The following NRG1 variants were observed in gnomAD, a reference collection of about 807,000 sequenced individuals.
NRG1 encodes pro-neuregulin-1, membrane-bound isoform.
In NRG1, 18 loss-of-function variants were observed where a neutral mutation model predicts 63.8. That is an observed-to-expected ratio of 0.28 (90% CI 0.19 to 0.42). NRG1 has a LOEUF of 0.42. NRG1 is among the 10% of genes least tolerant of loss of function. NRG1 has a pLI of 1.00. For missense variants in NRG1, 762 were observed against 814.7 expected (o/e 0.94, Z 0.79); for synonymous variants, 302 against 301.3 (o/e 1.00, Z -0.02).
At chr8:32,251,726 T>C (rs1295403063) in intron 1 of NRG1, among the ~76,000 whole-genome samples, 1 of 152,176 alleles carries the variant, frequency 6.6e-6, no homozygotes, top group East Asian at 1.9e-4. Flanking sequence ...TGTTTCCTGA[T>C]GTTTTAATGA....
chr8:32,692,712 G>T (rs1165483543), intron 5 of NRG1, among the ~76,000 whole-genome samples: 1 of 152,154 alleles, frequency 6.6e-6, no homozygotes, highest in Non-Finnish European at 1.5e-5. Context: ...ACCTGGAAGG[G>T]ACAGAATAGT....
In NRG1 at chr8:32,098,219, G is replaced by A. The variant is rs112648269; in HGVS notation, c.37+458788G>A. On this transcript the variant is annotated intron_variant, in intron 1 of 10. Transcript: ENST00000519301. ...GAAAGAAGAACTTCCATTGCATTTGGCAATGGAGGTCACATTTGTGATCTG... is the reference window on the plus strand; with the variant it reads ...GAAAGAAGAACTTCCATTGCATTTGACAATGGAGGTCACATTTGTGATCTG... Among the ~76,000 whole-genome samples the A allele has an allele frequency of 1.1e-3, 162 of 152,290 alleles. 2 individuals are homozygous for A. Among genetic ancestry groups the A allele is most frequent in the African/African-American group, 3.6e-3 (150 of 41,574 alleles).
At chr8:32,484,575 G>T (rs1449950570) in intron 1 of NRG1, among the ~76,000 whole-genome samples, 1 of 152,056 alleles carries the variant, frequency 6.6e-6, no homozygotes, top group Admixed American at 6.6e-5. Flanking sequence ...TCTATCTGGA[G>T]TCATTTGTAC....
chr8:32,308,226 G>T (rs375215117), intron 1 of NRG1, among the ~76,000 whole-genome samples: 4 of 151,980 alleles, frequency 2.6e-5, no homozygotes, highest in South Asian at 2.1e-4. Context: ...AGAATCCTTC[G>T]CTTTCCAAGA....
intron 1 of NRG1, among the ~76,000 whole-genome samples, chr8:31,997,462 A>G (rs1812198866): frequency 6.6e-6 from 1 of 152,018 alleles, no homozygotes; most frequent in African/African-American, 2.4e-5. Flanking sequence ...ATAACGCTTC[A>G]CATTTTATAA....
At chr8:32,388,665 TTC>T (rs200975318) in intron 1 of NRG1, among the ~76,000 whole-genome samples, 2 of 151,248 alleles carry the variant, frequency 1.3e-5, no homozygotes, top group Admixed American at 6.6e-5. Context: ...GTTTTTTTTT[TTC>T]GTCTCAAAAA....
chr8:32,314,762 G>A (rs1457190139), intron 1 of NRG1, among the ~76,000 whole-genome samples: 1 of 152,192 alleles, frequency 6.6e-6, no homozygotes, highest in African/African-American at 2.4e-5. Context: ...GAAGCCCCCA[G>A]ATGGGTCCCT....
In NRG1 at chr8:31,724,211, A is replaced by G. The variant is rs542332425; in HGVS notation, c.37+84780A>G. 3.2e-4 allele frequency among the ~76,000 whole-genome samples: 49 copies of G among 152,280 alleles called. 1 individual carries two copies. The highest frequency in any genetic ancestry group is 1.0e-3 in the African/African-American group (43 of 41,570). On this transcript the variant is annotated intron_variant, in intron 1 of 10. Coordinates refer to the NRG1 transcript ENST00000519301. ...AAAATGTAGAGAGAAAACCTAGAGA[A>G]GACATGAAACTCTCTCCTTGACTAA... is the stretch of plus-strand genomic sequence containing the variant.
chr8:31,695,217 T>C (rs1273369605), intron 1 of NRG1, among the ~76,000 whole-genome samples: 1 of 152,200 alleles, frequency 6.6e-6, no homozygotes, highest in Non-Finnish European at 1.5e-5. Flanking sequence ...TCACCCAGGC[T>C]GGAGTGCAGT....
chr8:32,063,339 A>G (rs1014468094), intron 1 of NRG1: 1 of 152,158 alleles, frequency 6.6e-6, no homozygotes, highest in African/African-American at 2.4e-5. Context: ...TACTTAGCGA[A>G]AGAAAAATAC....
intron 1 of NRG1, among the ~76,000 whole-genome samples, chr8:32,196,912 G>C (rs1843001059): frequency 9.0e-6 from 1 of 111,474 alleles, no homozygotes; most frequent in South Asian, 3.2e-4. Context: ...TTCTAAAGCT[G>C]GTTTTCTACC....
At chr8:32,653,735 C>T (rs1403403722) in intron 5 of NRG1, among the ~76,000 whole-genome samples, 1 of 152,160 alleles carries the variant, frequency 6.6e-6, no homozygotes, top group East Asian at 1.9e-4. Context: ...TTTTGGCTTG[C>T]ATAACATCAA....
chr8:32,503,235 C>T (rs147940932), intron 1 of NRG1, among the ~76,000 whole-genome samples: 17,241 of 134,206 alleles, frequency 0.13, 1,268 homozygotes, highest in Admixed American at 0.3. Context: ...TGCAGTAAGC[C>T]GAGATGGTGC....
intron 1 of NRG1, among the ~76,000 whole-genome samples, chr8:31,751,328 C>A (rs1027338388): frequency 1.3e-5 from 2 of 151,810 alleles, no homozygotes; most frequent in Admixed American, 6.6e-5. Context: ...AATAAATGGC[C>A]CTTGGGCTAG....
At chr8:32,226,667 C>T (rs1846360129) in intron 1 of NRG1, among the ~76,000 whole-genome samples, 1 of 152,142 alleles carries the variant, frequency 6.6e-6, no homozygotes, top group Non-Finnish European at 1.5e-5. Context: ...TGGCCCATGG[C>T]TCTTTTCCTG....
At chr8:32,272,484 C>G (rs1021028245) in intron 1 of NRG1, among the ~76,000 whole-genome samples, 1 of 152,160 alleles carries the variant, frequency 6.6e-6, no homozygotes, top group African/African-American at 2.4e-5. Flanking sequence ...ATAATTCTAG[C>G]TGGTAACATC....
At chr8:32,586,152 A>C (rs1258670411) in intron 1 of NRG1, among the ~76,000 whole-genome samples, 1 of 42,020 alleles carries the variant, frequency 2.4e-5, no homozygotes, top group Admixed American at 4.2e-4. Context: ...TTTATTGTTG[A>C]AAGTACTATA....
At chr8:31,871,767 A>T (rs1269308935) in intron 1 of NRG1, among the ~76,000 whole-genome samples, 2 of 152,168 alleles carry the variant, frequency 1.3e-5, no homozygotes, top group Admixed American at 6.5e-5. Context: ...AAAAATACCT[A>T]AAAAATTGAA....
At chr8:31,920,884 GTAGATAGATAGATAGATAGATAGA>G (rs10532094) in intron 1 of NRG1, among the ~76,000 whole-genome samples, 1 of 147,102 alleles carries the variant, frequency 6.8e-6, no homozygotes, top group South Asian at 2.2e-4. Context: ...AGATAGATAG[GTAGATAGATAGATAGATAGATAGA>G]TAGATAGATA....
Sources: allele counts gnomAD v4.1 joint callset (sites outside exome capture counted in the v4.1 genomes callset), GRCh38; gene constraint gnomAD v4.1.1; transcripts MANE v1.5; gene names NCBI Gene and HGNC (gene_info 2026-07-23, HGNC 2026-07-21).